ADGRD1: variants seen among roughly 807,000 people sequenced by gnomAD.
ADGRD1 encodes the protein adhesion G protein-coupled receptor D1, also known as G-protein coupled receptor 133.
In ADGRD1, 77 loss-of-function variants were observed where a neutral mutation model predicts 113.4. That is an observed-to-expected ratio of 0.68 (90% CI 0.57 to 0.82). The LOEUF is 0.82. Ranked by LOEUF, ADGRD1 falls within the 40% of genes least tolerant of loss-of-function variation. The pLI, the probability that ADGRD1 is intolerant of heterozygous loss-of-function variation, is 0.00. For synonymous variants in ADGRD1, 474 were observed against 475.0 expected (o/e 1.00, Z 0.03); for missense variants, 1,036 against 1,139.1 (o/e 0.91, Z 1.30).
intron 5 of ADGRD1, 30 bp from the exon 6 acceptor site, chr12:130,987,065 C>T (rs1006202201): frequency 5.6e-6 from 9 of 1,608,994 alleles, no homozygotes; most frequent in Non-Finnish European, 7.7e-6. Context: ...TCCCACAGTA[C>T]TCAGAATGGC....
chr12:131,113,897 A>T lies in ADGRD1; in HGVS notation c.2042-4488A>T, dbSNP rs970233179. On this transcript the variant is annotated intron_variant, in intron 18 of 24. Transcript: ENST00000261654. The surrounding 1 kb of genome is among the most constrained non-coding windows in gnomAD (Gnocchi z 4.9). The stretch of plus-strand genomic sequence containing the variant: ...ATGATATCTGACCTCATCAGGGAGG[A>T]TTTAGAGGCTGACTGATGGCCAACT... Among the ~76,000 whole-genome samples the T allele has an allele frequency of 2.0e-5, 3 of 152,064 alleles. No individual in the cohort carries two copies. Among genetic ancestry groups the T allele is most frequent in the African/African-American group, 7.2e-5 (3 of 41,392 alleles).
intron 14 of ADGRD1, among the ~76,000 whole-genome samples, chr12:131,083,492 A>C (rs1232718406): frequency 6.6e-6 from 1 of 152,206 alleles, no homozygotes; most frequent in African/African-American, 2.4e-5. Context: ...CTGTAGTCCC[A>C]GCTACTTGGG....
intron 4 of ADGRD1, chr12:130,980,736 CAT>C (rs1315165218): frequency 1.3e-5 from 2 of 152,260 alleles, no homozygotes; most frequent in East Asian, 1.9e-4. Flanking sequence ...AGAAATCCCA[CAT>C]GAGGATCATA....
Position 131,039,208 on chromosome 12 carries a change from C to T in ADGRD1, c.1473+24868C>T, listed in dbSNP as rs111532335. Among the ~76,000 whole-genome samples, 967 of 114,286 alleles carry T rather than the reference C, an allele frequency of 8.5e-3. 6 individuals are homozygous for T. The highest frequency in any genetic ancestry group is 0.015 in the Non-Finnish European group (734 of 48,354). 75.0% of individuals were successfully genotyped at this position (114,286 alleles called of 152,430 possible). A position where few individuals can be genotyped will look rare whatever the true frequency, so the allele number is the denominator to read the frequency against. On this transcript the variant is annotated intron_variant, in intron 13 of 24. Coordinates refer to ENST00000261654, the MANE Select transcript of ADGRD1 (RefSeq NM_198827.5). Reference sequence around the variant, plus strand: ...CCAGCCACTGCCCACTGAGCCGGGACGGTGCGGAGAGCCCTGTGCTCCTCC... The same window carrying T: ...CCAGCCACTGCCCACTGAGCCGGGATGGTGCGGAGAGCCCTGTGCTCCTCC...
At chr12:131,082,540 C>T (rs10773844) in intron 14 of ADGRD1, among the ~76,000 whole-genome samples, 43,811 of 151,770 alleles carry the variant, frequency 0.29, 7,796 homozygotes, top group East Asian at 0.67. Flanking sequence ...AGCTCATACC[C>T]GTGGCTACGT....
chr12:131,090,714 A>C (rs1206152442), intron 15 of ADGRD1, among the ~76,000 whole-genome samples: 1 of 152,242 alleles, frequency 6.6e-6, no homozygotes, highest in African/African-American at 2.4e-5. Context: ...ATGTCAAGGC[A>C]TCTGCTGATG....
rs764823274 is a variant in ADGRD1 at position 131,131,843 on chromosome 12, T to G, written c.2267+27T>G. On this transcript the variant is annotated intron_variant, in intron 21 of 24. Coordinates refer to ENST00000261654, the MANE Select transcript of ADGRD1 (RefSeq NM_198827.5). ...TAAGTTGACCTCAGGCTGCCAGCAG[T>G]GCCACGGCCCTTCTGCCCCCAGAGG... 7.0e-6 allele frequency: 10 copies of G among 1,422,426 alleles called. No individual in the cohort carries two copies. In the African/African-American group the frequency reaches 1.4e-4, roughly 20 times the overall value. The allele number at this position is 1,422,426 out of a possible 1,614,324, so 88.1% of individuals were successfully genotyped here. A position where few individuals can be genotyped will look rare whatever the true frequency, so the allele number is the denominator to read the frequency against.
chr12:131,138,271 C>A, intron 24 of ADGRD1, 42 bp downstream of exon 24: 1 of 1,554,330 alleles, frequency 6.4e-7, no homozygotes, highest in South Asian at 1.1e-5. Flanking sequence ...AGCCCATCCT[C>A]CTTCCCCAGG....
At chr12:131,114,385 G>C (rs1950416416) in intron 18 of ADGRD1, among the ~76,000 whole-genome samples, 1 of 152,174 alleles carries the variant, frequency 6.6e-6, no homozygotes, top group Non-Finnish European at 1.5e-5. Flanking sequence ...GCCCCAGTAG[G>C]AGACTGAGCT....
intron 13 of ADGRD1, among the ~76,000 whole-genome samples, chr12:131,046,048 C>T (rs1417375404): frequency 7.7e-6 from 1 of 130,142 alleles, no homozygotes; most frequent in African/African-American, 2.9e-5. Context: ...CCCTGGTCAG[C>T]ACTTCTCCCA....
intron 9 of ADGRD1, among the ~76,000 whole-genome samples, chr12:131,002,347 T>C (rs192701681): frequency 2.0e-5 from 3 of 152,350 alleles, no homozygotes; most frequent in Non-Finnish European, 4.4e-5. Context: ...TTCCATGTGC[T>C]TAACTGGGCC....
At chr12:131,094,582 G>C (rs1343284603) in intron 15 of ADGRD1, among the ~76,000 whole-genome samples, 2 of 151,656 alleles carry the variant, frequency 1.3e-5, no homozygotes, top group African/African-American at 4.8e-5. Context: ...GTTCAGCAGC[G>C]CCCCCCCGAC....
intron 21 of ADGRD1, among the ~76,000 whole-genome samples, chr12:131,135,714 C>A (rs1173997958): frequency 1.1e-5 from 1 of 91,778 alleles, no homozygotes; most frequent in Non-Finnish European, 3.1e-5. Flanking sequence ...CGTCCTGGTT[C>A]CTCCTCATCT....
chr12:131,102,913 T>C (rs946331025), intron 15 of ADGRD1, among the ~76,000 whole-genome samples: 2 of 152,226 alleles, frequency 1.3e-5, no homozygotes, highest in African/African-American at 4.8e-5. Flanking sequence ...GCAGCCATTC[T>C]CCTGAGGGGA....
intron 13 of ADGRD1, among the ~76,000 whole-genome samples, chr12:131,065,375 G>C (rs1461592242): frequency 6.6e-6 from 1 of 152,180 alleles, no homozygotes; most frequent in East Asian, 1.9e-4. Context: ...GAGAACGCTC[G>C]GGCCCTGCTG....
At chr12:131,035,343 T>C (rs921716679) in intron 13 of ADGRD1, 1 of 152,406 alleles carries the variant, frequency 6.6e-6, no homozygotes, top group African/African-American at 2.4e-5. Context: ...CCATGCGTTG[T>C]GCTTGTCCTG....
At chr12:130,970,429 A>T (rs1256137169) in intron 3 of ADGRD1, 1 of 152,202 alleles carries the variant, frequency 6.6e-6, no homozygotes, top group South Asian at 2.1e-4. Context: ...GATAAAATTT[A>T]AAAATGAGTT....
intron 20 of ADGRD1, 101 bp downstream of exon 20, chr12:131,121,014 C>G (rs375932594): frequency 5.7e-6 from 6 of 1,053,988 alleles, no homozygotes; most frequent in African/African-American, 4.7e-5. Context: ...GAGGAGCTTC[C>G]GAAGGATGCA....
intron 17 of ADGRD1, among the ~76,000 whole-genome samples, chr12:131,107,673 G>A (rs1237018692): frequency 6.6e-6 from 1 of 152,234 alleles, no homozygotes; most frequent in Non-Finnish European, 1.5e-5. Flanking sequence ...TCTGGGGTAG[G>A]AAGGGGCTGC....
Sources: gnomAD v4.1 joint callset for allele counts (sites outside exome capture counted in the v4.1 genomes callset) on GRCh38, gnomAD v4.1.1 for gene constraint, Gnocchi (gnomAD v3.1) non-coding constraint, MANE v1.5 for transcripts, NCBI Gene and HGNC (gene_info 2026-07-23, HGNC 2026-07-21) for gene names.